SEMA4D: variants seen among roughly 807,000 people sequenced by gnomAD.
SEMA4D encodes semaphorin-4D.
In SEMA4D, 22 loss-of-function variants were observed where a neutral mutation model predicts 74.8. The ratio of observed to expected loss-of-function variants is 0.29; its 90% confidence interval spans 0.21 to 0.42. The LOEUF (loss-of-function observed/expected upper bound fraction) is 0.42. Among genes scored for constraint, SEMA4D ranks in the 10% least tolerant of loss-of-function variants. SEMA4D has a pLI of 1.00. For missense variants in SEMA4D, 937 were observed against 1,118.4 expected, an observed-to-expected ratio of 0.84 and a Z score of 2.31; for synonymous variants, 445 against 463.7, an observed-to-expected ratio of 0.96 and a Z score of 0.52.
chr9:89,386,333 G>C (rs764694736), intron 13 of SEMA4D, 34 bp downstream of exon 13: 3 of 1,508,106 alleles, frequency 2.0e-6, no homozygotes, highest in Admixed American at 3.5e-5. Context: ...ACCGAGCGGA[G>C]AAGCCCCCGG....
At chr9:89,442,135 C>CAGCTGCGCCGTACGGGCTGGG (rs1564801489) in intron 2 of SEMA4D, among the ~76,000 whole-genome samples, 2 of 131,476 alleles carry the variant, frequency 1.5e-5, no homozygotes. Context: ...GTTTCCTTCC[C>CAGCTGCGCCGTACGGGCTGGG]TTTTCCCCTG....
At chr9:89,495,381 C>T (rs1032495909) in intron 1 of SEMA4D, among the ~76,000 whole-genome samples, 4 of 152,204 alleles carry the variant, frequency 2.6e-5, no homozygotes, top group African/African-American at 7.2e-5. Context: ...GGCCCTGGCA[C>T]ACCCTCTCCA....
At chr9:89,442,753 G>A (rs745497235) in intron 2 of SEMA4D, among the ~76,000 whole-genome samples, 1 of 152,146 alleles carries the variant, frequency 6.6e-6, no homozygotes, top group Non-Finnish European at 1.5e-5. Flanking sequence ...CCCAGAGAGG[G>A]ATCAGCACCA....
chr9:89,401,253 C>T (rs979694665), intron 4 of SEMA4D, among the ~76,000 whole-genome samples: 19 of 152,118 alleles, frequency 1.2e-4, no homozygotes, highest in South Asian at 2.1e-4. Context: ...GAAAGGGTTT[C>T]GCCATGTTGC....
chr9:89,460,694 C>T (rs188091477), intron 1 of SEMA4D, among the ~76,000 whole-genome samples: 3 of 152,280 alleles, frequency 2.0e-5, no homozygotes, highest in East Asian at 1.9e-4. Context: ...TCCTGGAGGC[C>T]GCAGAGCAAG....
intron 13 of SEMA4D, chr9:89,386,036 C>T (rs1187532451): frequency 3.0e-6 from 3 of 985,448 alleles, no homozygotes; most frequent in Non-Finnish European, 3.6e-6. Flanking sequence ...GCAGTCTGCA[C>T]ACCCCCCAAG....
At chr9:89,371,866 TG>T (rs1346674585) in intron 16 of SEMA4D, among the ~76,000 whole-genome samples, 3 of 11,778 alleles carry the variant, frequency 2.5e-4, no homozygotes, top group Non-Finnish European at 4.4e-4. Flanking sequence ...GAGGTGTGTG[TG>T]GGGGGGTGTG....
chr9:89,410,801 G>C (rs764420447), intron 2 of SEMA4D, among the ~76,000 whole-genome samples: 1 of 152,224 alleles, frequency 6.6e-6, no homozygotes, highest in Non-Finnish European at 1.5e-5. Flanking sequence ...GAGGCTTCCA[G>C]AAAGAAACAG....
chr9:89,418,266 G>A, intron 2 of SEMA4D: 1 of 709,782 alleles, frequency 1.4e-6, no homozygotes, highest in Non-Finnish European at 1.7e-6. Context: ...AGCTTGGCTT[G>A]CATGTGCTGG....
At chr9:89,384,981 G>A in intron 13 of SEMA4D, 2 of 985,464 alleles carry the variant, frequency 2.0e-6, no homozygotes, top group Non-Finnish European at 2.4e-6. Context: ...CCCCACGAAT[G>A]GAGGCTCCTA....
chr9:89,442,704 G>T (rs1851930720), intron 2 of SEMA4D, among the ~76,000 whole-genome samples: 1 of 152,188 alleles, frequency 6.6e-6, no homozygotes, highest in Non-Finnish European at 1.5e-5. Context: ...ATACATGCAA[G>T]GGGAGGGGAG....
At chr9:89,410,084 CGGTGGGGTAAGGTGGG>C in intron 2 of SEMA4D, among the ~76,000 whole-genome samples, 1 of 3,316 alleles carries the variant, frequency 3.0e-4, no homozygotes, top group Non-Finnish European at 5.1e-4. Context: ...TGGGGGTGGG[CGGTGGGGTAAGGTGGG>C]GGGTGCCCAG....
chr9:89,375,089 G>C (rs181316653), downstream of SEMA4D, among the ~76,000 whole-genome samples: 50 of 152,258 alleles, frequency 3.3e-4, no homozygotes, highest in East Asian at 8.1e-3. Context: ...AACATTGCCT[G>C]ACCATACAGC....
In SEMA4D at chr9:89,398,669, C is replaced by T. The variant is rs536078856; in HGVS notation, c.315+607G>A. On this transcript the variant is annotated intron_variant, in intron 5 of 15. Transcript: ENST00000422704. ...GAACAGAGATAAGAGAGCACTGTAA[C>T]GCACCCTCTGGGGCTGCGGGGGTCA... Among the ~76,000 whole-genome samples the T allele has an allele frequency of 3.9e-5, 6 of 152,304 alleles. No individual in the cohort carries two copies. In the South Asian group the frequency reaches 8.3e-4, roughly 21 times the overall value.
intron 2 of SEMA4D, chr9:89,405,906 C>T: frequency 1.7e-6 from 2 of 1,200,704 alleles, no homozygotes; most frequent in South Asian, 7.9e-5. Context: ...GGAGTCAGTG[C>T]TTCCCGCTCC....
chr9:89,365,093 A>T (rs1564481826), intron 16 of SEMA4D: 1 of 152,238 alleles, frequency 6.6e-6, no homozygotes, highest in African/African-American at 2.4e-5. Context: ...AAAAACAAGC[A>T]CATCCATTTT....
intron 2 of SEMA4D, among the ~76,000 whole-genome samples, chr9:89,410,567 A>C (rs1306406682): frequency 2.6e-5 from 4 of 152,252 alleles, no homozygotes; most frequent in African/African-American, 9.6e-5. Context: ...CACACGTAGC[A>C]GAGATGAAAA....
At position 89,387,558 on chromosome 9, in the gene SEMA4D, C is replaced by A. The variant is rs1329899907; in HGVS notation, c.1158G>T (p.Leu386Phe). The A allele has an allele frequency of 1.2e-6, 2 of 1,614,230 alleles. No homozygotes were observed. The highest frequency in any genetic ancestry group is 2.2e-5 in the East Asian group (1 of 44,890). ...TAACGAACTGCAGCGTCTTGTCTGGCAAATTCAAGGAGCTGGTGTAGTTGG... is the reference window on the plus strand; with the variant it reads ...TAACGAACTGCAGCGTCTTGTCTGGAAAATTCAAGGAGCTGGTGTAGTTGG... ...RAANYTSSLN[L>F]PDKTLQFVKD... Residue 386 changes from leucine (L) to phenylalanine (F), a missense_variant, in exon 12 of 16, where the codon TTG becomes TTT. By Grantham distance (22) the Leu-to-Phe change is conservative (BLOSUM62 0). Coordinates refer to ENST00000422704, the MANE Select transcript of SEMA4D (RefSeq NM_001371194.2).
At chr9:89,392,299 C>CCA in intron 8 of SEMA4D, 124 bp downstream of exon 8, 1 of 692,128 alleles carries the variant, frequency 1.4e-6, no homozygotes, top group African/African-American at 1.8e-5. Context: ...AAGTATCCCC[C>CCA]ACAAACAGGG....
Sources: gnomAD v4.1 joint callset for allele counts (sites outside exome capture counted in the v4.1 genomes callset) on GRCh38, gnomAD v4.1.1 for gene constraint, MANE v1.5 for transcripts, NCBI Gene and HGNC (gene_info 2026-07-23, HGNC 2026-07-21) for gene names.